The following ZDHHC20 variants were observed in gnomAD, a reference collection of about 807,000 sequenced individuals.
ZDHHC20 encodes zDHHC palmitoyltransferase 20.
Under a neutral mutation model 57.8 loss-of-function variants are expected in ZDHHC20, and 43 were observed. That is an observed-to-expected ratio of 0.74 (90% CI 0.58 to 0.96). ZDHHC20 has a LOEUF of 0.96. Ranked by LOEUF, ZDHHC20 falls within the 40% of genes least tolerant of loss-of-function variation. The pLI, the probability that ZDHHC20 is intolerant of heterozygous loss-of-function variation, is 0.00. For missense variants in ZDHHC20, 391 were observed against 441.1 expected (o/e 0.89, Z 1.02); for synonymous variants, 157 against 153.0 (o/e 1.03, Z -0.19).
chr13:21,448,385 C>A (rs1205302317), intron 1 of ZDHHC20, among the ~76,000 whole-genome samples: 6 of 112,180 alleles, frequency 5.3e-5, no homozygotes, highest in East Asian at 4.9e-4. Flanking sequence ...CAGCCCCCCG[C>A]CCGGCCAGCC....
intron 3 of ZDHHC20, 114 bp from the exon 4 acceptor site, chr13:21,413,886 A>G: frequency 3.9e-6 from 3 of 768,214 alleles, no homozygotes; most frequent in Non-Finnish European, 6.1e-6. Flanking sequence ...ATGAAGACAA[A>G]ACTTGTCTTC....
chr13:21,408,796 A>AG (rs769136262), intron 4 of ZDHHC20, among the ~76,000 whole-genome samples: 2 of 152,082 alleles, frequency 1.3e-5, no homozygotes, highest in Non-Finnish European at 1.5e-5. Flanking sequence ...ATCAATACCT[A>AG]GTTTATTGAG....
At position 21,427,105 on chromosome 13, in the gene ZDHHC20, C is replaced by T. The variant is rs1266763479; in HGVS notation, c.119-1427G>A. Among the ~76,000 whole-genome samples the T allele has an allele frequency of 2.0e-5, 3 of 152,270 alleles. No homozygotes were observed. In the East Asian group the frequency reaches 5.8e-4, roughly 29 times the overall value. Reference sequence around the variant, plus strand: ...CAGAGTAGATCACTCCTTTATATCACCACTGATCACTCTTCCATCTTTACC... The same window carrying T: ...CAGAGTAGATCACTCCTTTATATCATCACTGATCACTCTTCCATCTTTACC... On this transcript the variant is annotated intron_variant, in intron 1 of 12. Transcript: ENST00000400590.
intron 7 of ZDHHC20, among the ~76,000 whole-genome samples, chr13:21,397,102 A>C (rs1225623025): frequency 6.6e-6 from 1 of 152,096 alleles, no homozygotes; most frequent in Non-Finnish European, 1.5e-5. Context: ...AATGTAAGAA[A>C]TCCTCATTTG....
chr13:21,403,410 T>C (rs1312876763), intron 4 of ZDHHC20, among the ~76,000 whole-genome samples: 1 of 152,190 alleles, frequency 6.6e-6, no homozygotes, highest in Non-Finnish European at 1.5e-5. Flanking sequence ...ATATATACTA[T>C]TGTTGCCTAA....
At chr13:21,457,756 G>C (rs773467652) in intron 1 of ZDHHC20, among the ~76,000 whole-genome samples, 5 of 152,198 alleles carry the variant, frequency 3.3e-5, no homozygotes, top group Admixed American at 6.5e-5. Context: ...ATACTTGGTT[G>C]AAAGCTGTAC....
At chr13:21,438,243 T>G (rs1389313385) in intron 1 of ZDHHC20, among the ~76,000 whole-genome samples, 1 of 152,212 alleles carries the variant, frequency 6.6e-6, no homozygotes, top group African/African-American at 2.4e-5. Context: ...GATGCCACAG[T>G]GATTCCTCTG....
At chr13:21,414,650 C>T (rs979658028) in intron 3 of ZDHHC20, among the ~76,000 whole-genome samples, 7 of 151,230 alleles carry the variant, frequency 4.6e-5, no homozygotes, top group South Asian at 4.2e-4. Flanking sequence ...GGATTACAGG[C>T]GTGAGCCACC....
chr13:21,430,085 A>C (rs1359613073), intron 1 of ZDHHC20, among the ~76,000 whole-genome samples: 1 of 152,094 alleles, frequency 6.6e-6, no homozygotes, highest in Admixed American at 6.5e-5. Context: ...TTTAGTATCT[A>C]TTCTCTTTTC....
At chr13:21,452,104 A>G (rs138978110) in intron 1 of ZDHHC20, among the ~76,000 whole-genome samples, 65 of 152,046 alleles carry the variant, frequency 4.3e-4, no homozygotes, top group Middle Eastern at 3.4e-3. Context: ...CAATTTTAGT[A>G]TATGTGTTGC....
rs145871887 is a variant in ZDHHC20, at chr13:21,450,002, G to A, written c.118+9052C>T. On this transcript the variant is annotated intron_variant, in intron 1 of 12. Transcript: ENST00000400590. The stretch of plus-strand genomic sequence containing the variant: ...AGTGATCATGGTGGTTTAAAGGAGT[G>A]TAACAGTTGCAGTAGTAGTGGTGAG... 2.8e-3 allele frequency among the ~76,000 whole-genome samples: 421 copies of A among 152,164 alleles called. 2 individuals are homozygous for A. The highest frequency in any genetic ancestry group is 9.9e-3 in the African/African-American group (409 of 41,510).
chr13:21,431,769 T>C (rs1881982613), intron 1 of ZDHHC20, among the ~76,000 whole-genome samples: 1 of 152,246 alleles, frequency 6.6e-6, no homozygotes, highest in Non-Finnish European at 1.5e-5. Flanking sequence ...CTATCCCTTA[T>C]TTGTGAAGTT....
At chr13:21,435,947 A>C (rs4769165) in intron 1 of ZDHHC20, among the ~76,000 whole-genome samples, 1 of 151,996 alleles carries the variant, frequency 6.6e-6, no homozygotes, top group Admixed American at 6.5e-5. Flanking sequence ...TCACTGCAAT[A>C]TAGTCCTGGC....
chr13:21,383,985 T>A (rs1182148153), intron 9 of ZDHHC20, among the ~76,000 whole-genome samples: 2 of 152,062 alleles, frequency 1.3e-5, no homozygotes, highest in East Asian at 3.9e-4. Context: ...ACGAAATAAT[T>A]GTTTTCAAAA....
intron 7 of ZDHHC20, among the ~76,000 whole-genome samples, chr13:21,397,878 G>C (rs1340885430): frequency 6.6e-6 from 1 of 151,640 alleles, no homozygotes; most frequent in African/African-American, 2.4e-5. Context: ...AGAAAGGAGA[G>C]AATAAAGACA....
chr13:21,414,606 C>G (rs906524616), intron 3 of ZDHHC20, among the ~76,000 whole-genome samples: 2 of 147,966 alleles, frequency 1.4e-5, no homozygotes, highest in Non-Finnish European at 3.0e-5. Flanking sequence ...CTCCTGACCT[C>G]GTGATCTGCC....
intron 1 of ZDHHC20, among the ~76,000 whole-genome samples, chr13:21,430,384 C>T (rs1881772792): frequency 6.6e-6 from 1 of 151,802 alleles, no homozygotes; most frequent in Non-Finnish European, 1.5e-5. Flanking sequence ...GAACTTGTTA[C>T]TGTTTGGGGT....
At chr13:21,380,087 T>A (rs1873023387) in intron 11 of ZDHHC20, among the ~76,000 whole-genome samples, 1 of 151,748 alleles carries the variant, frequency 6.6e-6, no homozygotes, top group East Asian at 2.0e-4. Context: ...AGTGCTGGGA[T>A]TACAGGCATG....
rs1302424801 is a variant in ZDHHC20, at chr13:21,374,995, A to T, written c.*1701T>A. ...CTAAAAATGTGAAAATTAGCCGGGCATGGTGGCATGAGCCTGTAATCCCAG... is the reference window on the plus strand; with the variant it reads ...CTAAAAATGTGAAAATTAGCCGGGCTTGGTGGCATGAGCCTGTAATCCCAG... On this transcript the variant is annotated 3_prime_UTR_variant, in exon 13 of 13. Coordinates refer to ENST00000400590, the MANE Select transcript of ZDHHC20 (RefSeq NM_001330059.2). 2 of 381,960 alleles carry T rather than the reference A, an allele frequency of 5.2e-6. No individual in the cohort carries two copies. Among genetic ancestry groups the T allele is most frequent in the African/African-American group, 4.2e-5 (2 of 47,118 alleles). The allele number at this position is 381,960 out of a possible 1,614,324, so 23.7% of individuals were successfully genotyped here.
Sources: allele counts gnomAD v4.1 joint callset (sites outside exome capture counted in the v4.1 genomes callset), GRCh38; gene constraint gnomAD v4.1.1; transcripts MANE v1.5; gene names NCBI Gene and HGNC (gene_info 2026-07-23, HGNC 2026-07-21).